IPCEF1: variants seen among roughly 807,000 people sequenced by gnomAD.
IPCEF1 encodes the protein interactor protein for cytohesin exchange factors 1.
IPCEF1 carries 31 observed loss-of-function variants against 50.9 expected under a neutral mutation model. The observed-to-expected ratio is 0.61, with a 90% CI of 0.46 to 0.82. The LOEUF is 0.82. IPCEF1 is among the 40% of genes least tolerant of loss of function. The pLI is 0.00. For synonymous variants in IPCEF1, 181 were observed against 192.0 expected, an observed-to-expected ratio of 0.94 and a Z score of 0.47; for missense variants, 458 against 514.0, an observed-to-expected ratio of 0.89 and a Z score of 1.05.
chr6:154,300,175 TAA>T lies in IPCEF1; in HGVS notation c.-61-10421_-61-10420del, dbSNP rs1013875560. Among the ~76,000 whole-genome samples, 4 of 141,720 alleles carry T rather than the reference TAA, an allele frequency of 2.8e-5. 1 individual carries two copies. The highest frequency in any genetic ancestry group is 1.0e-4 in the African/African-American group (4 of 39,696). 93.0% of individuals were successfully genotyped at this position (141,720 alleles called of 152,430 possible). On this transcript the variant is annotated intron_variant, in intron 1 of 11. Coordinates refer to ENST00000367220, the MANE Select transcript of IPCEF1 (RefSeq NM_001130700.2). ...AAATGCAGGCAGACCTCTTTGTGGG[TAA>T]AGTCTAAAGCAGATGCAATTTTAGG...
chr6:154,328,743 G>A (rs1191913043), intron 1 of IPCEF1, among the ~76,000 whole-genome samples: 4 of 151,926 alleles, frequency 2.6e-5, no homozygotes, highest in African/African-American at 7.3e-5. Flanking sequence ...TAGTGTACTC[G>A]TTTCTAAAAT....
intron 1 of IPCEF1, among the ~76,000 whole-genome samples, chr6:154,305,702 A>G (rs4470860): frequency 1.9e-3 from 285 of 152,278 alleles, no homozygotes; most frequent in Middle Eastern, 6.8e-3. Context: ...CCCACCTTCA[A>G]TACGGGTGGG....
At chr6:154,354,363 C>G (rs972356780) in intron 1 of IPCEF1, among the ~76,000 whole-genome samples, 10 of 137,416 alleles carry the variant, frequency 7.3e-5, no homozygotes, top group African/African-American at 2.9e-4. Flanking sequence ...TCTACCATCA[C>G]TTCTACCATC....
At chr6:154,197,625 G>T (rs542536245) in intron 10 of IPCEF1, among the ~76,000 whole-genome samples, 1 of 152,216 alleles carries the variant, frequency 6.6e-6, no homozygotes, top group African/African-American at 2.4e-5. Flanking sequence ...ACATTAAAAG[G>T]GCTGGTGGTA....
chr6:154,157,039 C>G lies in IPCEF1; in HGVS notation c.*2789G>C, dbSNP rs563681878. ...GCAGGACTGGGTATAGGAATTGGCC[C>G]TTGGACCCCAGGAAACTACCCCAAA... On this transcript the variant is annotated 3_prime_UTR_variant, in exon 12 of 12. Coordinates refer to ENST00000367220, the MANE Select transcript of IPCEF1 (RefSeq NM_001130700.2). The G allele has an allele frequency of 2.0e-5, 3 of 152,382 alleles. No individual in the cohort carries two copies. Among genetic ancestry groups the G allele is most frequent in the Non-Finnish European group, 2.9e-5 (2 of 68,102 alleles). 9.4% of individuals were successfully genotyped at this position (152,382 alleles called of 1,614,324 possible).
intron 1 of IPCEF1, among the ~76,000 whole-genome samples, chr6:154,354,632 A>G (rs1225498768): frequency 2.1e-5 from 3 of 142,722 alleles, no homozygotes; most frequent in Non-Finnish European, 4.6e-5. Context: ...ACCACTTCCA[A>G]CACCACCCCC....
At position 154,295,550 on chromosome 6, in the gene IPCEF1, G is replaced by C. The variant is rs1223653002; in HGVS notation, c.-61-5794C>G. On this transcript the variant is annotated intron_variant, in intron 1 of 11. Transcript: ENST00000367220. ...ACACACTTTGCTGTGAGCATTGCTT[G>C]GGGAACAGAGAGCACAGGGGGTCTA... Among the ~76,000 whole-genome samples, 3 of 152,194 alleles carry C rather than the reference G, an allele frequency of 2.0e-5. No homozygotes were observed. The South Asian group carries it at 6.2e-4, about 32-fold the overall frequency.
chr6:154,244,271 T>C (rs1263638346), intron 5 of IPCEF1, among the ~76,000 whole-genome samples: 1 of 150,086 alleles, frequency 6.7e-6, no homozygotes, highest in Non-Finnish European at 1.5e-5. Flanking sequence ...ACAGTAAACA[T>C]ATAATTAAGA....
chr6:154,203,839 GC>G, intron 9 of IPCEF1, among the ~76,000 whole-genome samples: 1 of 152,232 alleles, frequency 6.6e-6, no homozygotes, highest in East Asian at 1.9e-4. Flanking sequence ...GAAGAAAAGC[GC>G]CCCAGAGTTA....
intron 3 of IPCEF1, among the ~76,000 whole-genome samples, chr6:154,251,730 C>A (rs1473601624): frequency 6.6e-6 from 1 of 151,662 alleles, no homozygotes; most frequent in South Asian, 2.1e-4. Context: ...GAGATTGTGG[C>A]GAAGATGGAT....
rs57452242 is a variant in IPCEF1 at position 154,224,322 on chromosome 6, CTG to C, written c.247-1081_247-1080del. 7.2e-5 allele frequency among the ~76,000 whole-genome samples: 11 copies of C among 152,300 alleles called. No homozygotes were observed. In the East Asian group the frequency reaches 1.3e-3, roughly 19 times the overall value. Reference sequence around the variant, plus strand: ...CATTCTTTTCTTCAGAAAAATTAAACTGTGAGGCATCCAACCCTATGCCCATC... The same window carrying C: ...CATTCTTTTCTTCAGAAAAATTAAACTGAGGCATCCAACCCTATGCCCATC... On this transcript the variant is annotated intron_variant, in intron 5 of 11. Coordinates refer to ENST00000367220, the MANE Select transcript of IPCEF1 (RefSeq NM_001130700.2).
At chr6:154,290,737 A>AT (rs1006505086) in intron 1 of IPCEF1, among the ~76,000 whole-genome samples, 2 of 152,040 alleles carry the variant, frequency 1.3e-5, no homozygotes, top group African/African-American at 4.8e-5. Context: ...TCAACATTTA[A>AT]TTTTTTCTAA....
intron 3 of IPCEF1, among the ~76,000 whole-genome samples, chr6:154,264,455 C>T (rs112517003): frequency 6.6e-6 from 1 of 152,078 alleles, no homozygotes; most frequent in African/African-American, 2.4e-5. Flanking sequence ...TCACTGCAAC[C>T]TCTACCTCCC....
chr6:154,174,672 C>A (rs1000057954), intron 10 of IPCEF1, among the ~76,000 whole-genome samples: 9 of 152,154 alleles, frequency 5.9e-5, no homozygotes, highest in African/African-American at 2.2e-4. Flanking sequence ...ATTCATAAAG[C>A]AAGTCCTTAG....
At chr6:154,280,635 T>G (rs1395161005) in intron 2 of IPCEF1, among the ~76,000 whole-genome samples, 1 of 152,060 alleles carries the variant, frequency 6.6e-6, no homozygotes, top group Non-Finnish European at 1.5e-5. Context: ...GATCATAGTG[T>G]TTAGGGAAGT....
chr6:154,230,645 T>C (rs1779646571), intron 5 of IPCEF1, among the ~76,000 whole-genome samples: 1 of 152,224 alleles, frequency 6.6e-6, no homozygotes, highest in African/African-American at 2.4e-5. Flanking sequence ...AATGGTAATA[T>C]AGGAAACTGT....
In IPCEF1 at chr6:154,328,459, G is replaced by T. The variant is rs1783577134; in HGVS notation, c.-62+28213C>A. The stretch of plus-strand genomic sequence containing the variant: ...AGCCCTAAGAAGTTCTTCAATGGAG[G>T]CCAGGCATAGTGGCTCACACCTGTA... On this transcript the variant is annotated intron_variant, in intron 1 of 11. Coordinates refer to ENST00000367220, the MANE Select transcript of IPCEF1 (RefSeq NM_001130700.2). Among the ~76,000 whole-genome samples the T allele has an allele frequency of 2.0e-5, 3 of 152,002 alleles. No homozygotes were observed. The South Asian group carries it at 6.2e-4, about 32-fold the overall frequency.
chr6:154,263,149 A>C (rs1781646067), intron 3 of IPCEF1, among the ~76,000 whole-genome samples: 1 of 149,270 alleles, frequency 6.7e-6, no homozygotes, highest in Non-Finnish European at 1.5e-5. Flanking sequence ...CAACTTCCTT[A>C]CTCTATTTTT....
intron 11 of IPCEF1, among the ~76,000 whole-genome samples, chr6:154,161,576 C>G (rs1583673531): frequency 6.6e-6 from 1 of 152,282 alleles, no homozygotes; most frequent in South Asian, 2.1e-4. Flanking sequence ...GAAACCTTCC[C>G]TGCACTCCCA....
Sources: allele counts gnomAD v4.1 joint callset (sites outside exome capture counted in the v4.1 genomes callset), GRCh38; gene constraint gnomAD v4.1.1; transcripts MANE v1.5; gene names NCBI Gene and HGNC (gene_info 2026-07-23, HGNC 2026-07-21).